The following PLA2G4F variants were observed in gnomAD, a reference collection of about 807,000 sequenced individuals.
PLA2G4F encodes phospholipase A2 group IVF, also known as cytosolic phospholipase A2 zeta.
A neutral mutation model predicts 103.1 loss-of-function variants in PLA2G4F; 105 were observed. The ratio of observed to expected loss-of-function variants is 1.02; its 90% CI spans 0.87 to 1.20. PLA2G4F has a LOEUF of 1.20. Ranked by LOEUF, PLA2G4F falls within the 50% of genes most tolerant of loss-of-function variation. The pLI is 0.00. For missense variants in PLA2G4F, 1,155 were observed against 1,075.9 expected (o/e 1.07, Z -1.03); for synonymous variants, 468 against 441.1 (o/e 1.06, Z -0.76).
chr15:42,149,021 A>G (rs949109385), intron 11 of PLA2G4F: 3 of 985,210 alleles, frequency 3.0e-6, no homozygotes, highest in South Asian at 4.7e-5. Context: ...CCGGCAGCCT[A>G]TTCCTGATCC....
intron 7 of PLA2G4F, chr15:42,151,096 A>G: frequency 2.0e-6 from 2 of 985,090 alleles, no homozygotes; most frequent in Non-Finnish European, 2.4e-6. Context: ...AGATGATTCT[A>G]TGTTTATCAT....
At chr15:42,148,584 G>A in intron 11 of PLA2G4F, 1 of 946,026 alleles carries the variant, frequency 1.1e-6, no homozygotes, top group Non-Finnish European at 1.3e-6. Flanking sequence ...AATGTCCCCA[G>A]GGGTGCGGTG....
chr15:42,142,458 C>T, intron 19 of PLA2G4F, 70 bp downstream of exon 19: 2 of 1,497,888 alleles, frequency 1.3e-6, no homozygotes, highest in South Asian at 1.3e-5. Flanking sequence ...AGGGAACCCA[C>T]CCTCAGAACA....
rs1173745880 is a variant in PLA2G4F at position 42,139,898 on chromosome 15, G to T, written c.*2086C>A. The T allele has an allele frequency of 6.6e-6, 1 of 152,214 alleles. No individual in the cohort carries two copies. The highest frequency in any genetic ancestry group is 1.9e-4 in the East Asian group (1 of 5,170). The allele number at this position is 152,214 out of a possible 1,614,324, so 9.4% of individuals were successfully genotyped here. A position where few individuals can be genotyped will look rare whatever the true frequency, so the allele number is the denominator to read the frequency against. ...TACACTTCTGTGTGAGAAGGTCCCC[G>T]CCCACTCTGCACAAGCCCACGTTTG... On this transcript the variant is annotated 3_prime_UTR_variant, in exon 20 of 20. Transcript: ENST00000397272.
chr15:42,155,211 AC>A (rs916408359), intron 2 of PLA2G4F, among the ~76,000 whole-genome samples: 1 of 151,426 alleles, frequency 6.6e-6, no homozygotes, highest in African/African-American at 2.4e-5. Flanking sequence ...ATTTGCACTC[AC>A]ACACTCGCTC....
chr15:42,147,516 C>T, intron 12 of PLA2G4F, 110 bp downstream of exon 12: 3 of 1,436,464 alleles, frequency 2.1e-6, no homozygotes, highest in Non-Finnish European at 2.9e-6. Context: ...CCTCCTAACA[C>T]CCTGGGAGGC....
chr15:42,145,008 G>A (rs1415228905), intron 16 of PLA2G4F, among the ~76,000 whole-genome samples: 1 of 152,220 alleles, frequency 6.6e-6, no homozygotes, highest in Admixed American at 6.5e-5. Flanking sequence ...GAAGGTGAAC[G>A]GGACCTGCCC....
chr15:42,156,024 C>G (rs1200052596), intron 1 of PLA2G4F, among the ~76,000 whole-genome samples: 2 of 152,148 alleles, frequency 1.3e-5, no homozygotes, highest in Admixed American at 6.5e-5. Context: ...TAGGAGGCAG[C>G]GAGCAGGTGA....
intron 13 of PLA2G4F, chr15:42,146,545 C>G (rs1170456249): frequency 3.1e-6 from 1 of 325,508 alleles, no homozygotes; most frequent in Non-Finnish European, 5.7e-6. Flanking sequence ...CCTTGAAAAG[C>G]CAGTCCAATT....
intron 2 of PLA2G4F, among the ~76,000 whole-genome samples, chr15:42,155,186 C>A (rs1475496359): frequency 6.6e-6 from 1 of 151,760 alleles, no homozygotes; most frequent in Non-Finnish European, 1.5e-5. Flanking sequence ...CATGTGTATA[C>A]ACACTCGCAG....
At chr15:42,155,745 T>A (rs593910) in intron 1 of PLA2G4F, among the ~76,000 whole-genome samples, 156 bp from the exon 2 acceptor site, 5,031 of 152,198 alleles carry the variant, frequency 0.033, 210 homozygotes, top group Admixed American at 0.097. Context: ...TCCCAGGCAT[T>A]GGGAGTTCAG....
At position 42,146,173 on chromosome 15, in the gene PLA2G4F, G is replaced by A. The variant is rs1162511408; in HGVS notation, c.1488C>T (p.Tyr496=). 1 of 1,614,252 alleles carries A rather than the reference G, an allele frequency of 6.2e-7. No individual in the cohort carries two copies. Among genetic ancestry groups the A allele is most frequent in the African/African-American group, 1.3e-5 (1 of 75,062 alleles). Residue 496 remains tyrosine, a synonymous_variant, in exon 14 of 20, where the codon TAC becomes TAT. Transcript: ENST00000397272. The part of the protein sequence containing the change: ...VRQGQNPYPI[Y]TSVNVRTNLS... Reference sequence around the variant, plus strand: ...AGTTGGTGCGGACGTTGACACTGGTGTAAATGGGGTAAGGGTTCTGACCCT... The same window carrying A: ...AGTTGGTGCGGACGTTGACACTGGTATAAATGGGGTAAGGGTTCTGACCCT...
intron 7 of PLA2G4F, among the ~76,000 whole-genome samples, chr15:42,151,836 C>CCT (rs2048965257): frequency 6.6e-6 from 1 of 152,198 alleles, no homozygotes; most frequent in Non-Finnish European, 1.5e-5. Flanking sequence ...TGCCCGTGAG[C>CCT]AAGTGTTTTC....
rs138364396 is a variant in PLA2G4F at position 42,144,960 on chromosome 15, A to G, written c.1781-316T>C. ...TCGTCCATTAAACACTGACTGAGCA[A>G]TTACTATGCCCAGCACTGCACTAGG... On this transcript the variant is annotated intron_variant, in intron 16 of 19. Transcript: ENST00000397272. 5.9e-5 allele frequency among the ~76,000 whole-genome samples: 9 copies of G among 152,356 alleles called. No homozygotes were observed. The East Asian group carries it at 1.7e-3, about 29-fold the overall frequency.
intron 18 of PLA2G4F, among the ~76,000 whole-genome samples, chr15:42,143,401 C>T (rs939544242): frequency 5.9e-5 from 9 of 152,094 alleles, no homozygotes; most frequent in African/African-American, 2.2e-4. Context: ...ACAGAAGGTC[C>T]ACGTCAGAAG....
chr15:42,145,348 G>C (rs1222308917), intron 16 of PLA2G4F, among the ~76,000 whole-genome samples: 1 of 152,170 alleles, frequency 6.6e-6, no homozygotes, highest in Non-Finnish European at 1.5e-5. Flanking sequence ...CAGTAGTCCT[G>C]CACCGAGTGG....
At chr15:42,147,928 C>T (rs1042601016) in intron 11 of PLA2G4F, 166 bp from the exon 12 acceptor site, 41 of 679,096 alleles carry the variant, frequency 6.0e-5, no homozygotes, top group African/African-American at 1.2e-4. Flanking sequence ...CAGTGGCTCA[C>T]GCCTGTAATC....
chr15:42,154,482 C>A, intron 2 of PLA2G4F, 24 bp from the exon 3 acceptor site: 1 of 1,534,906 alleles, frequency 6.5e-7, no homozygotes, highest in Non-Finnish European at 8.8e-7. Context: ...AGGGAGGGGC[C>A]GGGGCCTCAA....
chr15:42,144,302 C>A, intron 17 of PLA2G4F, 148 bp downstream of exon 17: 1 of 1,376,618 alleles, frequency 7.3e-7, no homozygotes, highest in Non-Finnish European at 9.9e-7. Flanking sequence ...TTCCAGCTTC[C>A]AGCAGTATTT....
Sources: gnomAD v4.1 joint callset for allele counts (sites outside exome capture counted in the v4.1 genomes callset) on GRCh38, gnomAD v4.1.1 for gene constraint, MANE v1.5 for transcripts, NCBI Gene and HGNC (gene_info 2026-07-23, HGNC 2026-07-21) for gene names.